EPHA6: variants seen among roughly 807,000 people sequenced by gnomAD.
The protein encoded by EPHA6 is ephrin type-A receptor 6.
EPHA6 carries 50 observed loss-of-function variants against 112.0 expected under a neutral mutation model. The observed-to-expected ratio is 0.45, with a 90% confidence interval of 0.36 to 0.56. The LOEUF (loss-of-function observed/expected upper bound fraction) is 0.56. EPHA6 is among the 20% of genes least tolerant of loss of function. EPHA6 has a pLI of 0.00. For missense variants in EPHA6, 1,280 were observed against 1,417.4 expected (o/e 0.90, Z 1.56); for synonymous variants, 529 against 490.7 (o/e 1.08, Z -1.03).
intron 1 of EPHA6, among the ~76,000 whole-genome samples, chr3:96,824,162 G>T (rs2033487516): frequency 6.6e-6 from 1 of 150,768 alleles, no homozygotes; most frequent in Admixed American, 6.6e-5. Context: ...TTTACGACCA[G>T]CAATCTATTT....
chr3:97,253,355 C>A (rs1446980657), intron 5 of EPHA6, among the ~76,000 whole-genome samples: 2 of 152,062 alleles, frequency 1.3e-5, no homozygotes, highest in Non-Finnish European at 2.9e-5. Context: ...AACAGAAAAA[C>A]AAATTGAAAG....
intron 5 of EPHA6, among the ~76,000 whole-genome samples, chr3:97,329,232 T>G (rs1308695347): frequency 6.6e-6 from 1 of 151,798 alleles, no homozygotes; most frequent in Non-Finnish European, 1.5e-5. Flanking sequence ...GACATTTGGG[T>G]TGGTTCCAAG....
At chr3:97,203,346 G>T (rs946663818) in intron 3 of EPHA6, among the ~76,000 whole-genome samples, 2 of 152,056 alleles carry the variant, frequency 1.3e-5, no homozygotes, top group African/African-American at 4.8e-5. Context: ...TGTATTTAGG[G>T]GTTAGAGCCA....
At chr3:97,402,206 T>C (rs2087035248) in intron 5 of EPHA6, among the ~76,000 whole-genome samples, 1 of 152,048 alleles carries the variant, frequency 6.6e-6, no homozygotes, top group Non-Finnish European at 1.5e-5. Flanking sequence ...AATATTACTT[T>C]TTTGATTTTC....
chr3:97,448,506 T>A, intron 6 of EPHA6, 62 bp from the exon 7 acceptor site: 1 of 1,547,928 alleles, frequency 6.5e-7, no homozygotes, highest in South Asian at 1.1e-5. Context: ...CTTTGGAATG[T>A]TTCTAGGAAA....
intron 3 of EPHA6, among the ~76,000 whole-genome samples, chr3:97,113,563 T>C (rs770967936): frequency 7.2e-5 from 11 of 152,048 alleles, no homozygotes; most frequent in Non-Finnish European, 1.3e-4. Context: ...CTTTGTGTCA[T>C]CAGCAGGCAA....
At chr3:96,881,040 G>A (rs939506133) in intron 2 of EPHA6, among the ~76,000 whole-genome samples, 1 of 152,088 alleles carries the variant, frequency 6.6e-6, no homozygotes, top group African/African-American at 2.4e-5. Flanking sequence ...ATACTTAGGA[G>A]AGGAATTTCT....
intron 3 of EPHA6, among the ~76,000 whole-genome samples, chr3:97,034,445 C>A (rs1342848171): frequency 2.0e-5 from 3 of 151,824 alleles, no homozygotes; most frequent in Non-Finnish European, 4.4e-5. Flanking sequence ...ATATATAATT[C>A]TTTTACTGTC....
chr3:96,914,685 A>C (rs1022551993), intron 2 of EPHA6, among the ~76,000 whole-genome samples: 1 of 152,180 alleles, frequency 6.6e-6, no homozygotes, highest in African/African-American at 2.4e-5. Context: ...GGTATTATTA[A>C]GAAATAAAAG....
chr3:97,293,108 C>T (rs2080752604), intron 5 of EPHA6, among the ~76,000 whole-genome samples: 1 of 151,082 alleles, frequency 6.6e-6, no homozygotes, highest in South Asian at 2.1e-4. Flanking sequence ...GGGCCCAGCT[C>T]TCAGTGGAGC....
At chr3:97,291,089 G>C (rs867565319) in intron 5 of EPHA6, among the ~76,000 whole-genome samples, 1 of 151,918 alleles carries the variant, frequency 6.6e-6, no homozygotes, top group African/African-American at 2.4e-5. Context: ...CATTTGTTTC[G>C]AGATGCTTTT....
intron 11 of EPHA6, among the ~76,000 whole-genome samples, chr3:97,562,826 G>T (rs758772242): frequency 1.3e-5 from 2 of 152,046 alleles, no homozygotes; most frequent in Non-Finnish European, 2.9e-5. Flanking sequence ...CCACCCCAAC[G>T]TTCGGATACA....
intron 6 of EPHA6, among the ~76,000 whole-genome samples, chr3:97,416,745 T>C: frequency 6.6e-6 from 1 of 152,284 alleles, no homozygotes; most frequent in South Asian, 2.1e-4. Context: ...AGTATCATAT[T>C]TGTTTAAATA....
At chr3:97,212,618 C>G (rs1054001318) in intron 3 of EPHA6, among the ~76,000 whole-genome samples, 1 of 152,130 alleles carries the variant, frequency 6.6e-6, no homozygotes, top group Admixed American at 6.5e-5. Context: ...GTTTCTGACT[C>G]TTTTCCAAAT....
chr3:97,620,601 G>C (rs1376745072), intron 13 of EPHA6, among the ~76,000 whole-genome samples: 1 of 151,910 alleles, frequency 6.6e-6, no homozygotes, highest in African/African-American at 2.4e-5. Flanking sequence ...TTAAAAACTG[G>C]TCAAAGGACA....
intron 5 of EPHA6, among the ~76,000 whole-genome samples, chr3:97,259,244 A>G (rs867082809): frequency 6.6e-6 from 1 of 152,328 alleles, no homozygotes; most frequent in East Asian, 1.9e-4. Context: ...TTTGAAAAAA[A>G]ATCTATGTAA....
intron 3 of EPHA6, among the ~76,000 whole-genome samples, chr3:97,210,775 C>T (rs1283686922): frequency 6.6e-6 from 1 of 152,132 alleles, no homozygotes; most frequent in East Asian, 1.9e-4. Flanking sequence ...CTATTTTGCT[C>T]ACAAATCTGT....
intron 2 of EPHA6, among the ~76,000 whole-genome samples, chr3:96,979,261 T>A (rs896799703): frequency 1.4e-5 from 2 of 141,514 alleles, no homozygotes; most frequent in South Asian, 2.5e-4. Context: ...TCCTGTGTTA[T>A]CATTGTTCAA....
intron 2 of EPHA6, among the ~76,000 whole-genome samples, chr3:96,966,827 A>G (rs1023437414): frequency 2.6e-5 from 4 of 152,012 alleles, no homozygotes; most frequent in African/African-American, 9.7e-5. Flanking sequence ...TCATTTTTCT[A>G]TTAACTTATA....
Sources: gnomAD v4.1 joint callset for allele counts (sites outside exome capture counted in the v4.1 genomes callset) on GRCh38, gnomAD v4.1.1 for gene constraint, MANE v1.5 for transcripts, NCBI Gene and HGNC (gene_info 2026-07-23, HGNC 2026-07-21) for gene names.